ZFPM2: variants seen among roughly 807,000 people sequenced by gnomAD.
ZFPM2 encodes the protein zinc finger protein ZFPM2.
ZFPM2 carries 20 observed loss-of-function variants against 98.6 expected under a neutral mutation model. The observed-to-expected ratio is 0.20, with a 90% CI of 0.14 to 0.29. The LOEUF (loss-of-function observed/expected upper bound fraction) is 0.29, where lower values mean the gene tolerates loss of function less well. ZFPM2 is among the 10% of genes least tolerant of loss of function. The pLI is 1.00. For missense variants in ZFPM2, 1,310 were observed against 1,388.6 expected (o/e 0.94, Z 0.90); for synonymous variants, 518 against 502.7 (o/e 1.03, Z -0.41).
At chr8:105,493,951 A>G (rs1215798999) in intron 3 of ZFPM2, among the ~76,000 whole-genome samples, 1 of 151,814 alleles carries the variant, frequency 6.6e-6, no homozygotes, top group African/African-American at 2.4e-5. Context: ...TCTGACCTCC[A>G]AAACAACCAA....
chr8:105,566,977 A>C (rs1169220174), intron 4 of ZFPM2, among the ~76,000 whole-genome samples: 2 of 152,198 alleles, frequency 1.3e-5, no homozygotes, highest in Admixed American at 6.5e-5. Flanking sequence ...TAATAATGAA[A>C]TAATGCATGT....
At chr8:105,738,639 C>T (rs1445149893) in intron 5 of ZFPM2, among the ~76,000 whole-genome samples, 8 of 152,056 alleles carry the variant, frequency 5.3e-5, no homozygotes, top group Non-Finnish European at 1.2e-4. Context: ...CTTCCACCAA[C>T]AGTGTATAGC....
chr8:105,593,767 T>A (rs1281319937), intron 4 of ZFPM2, among the ~76,000 whole-genome samples: 2 of 152,162 alleles, frequency 1.3e-5, no homozygotes, highest in Non-Finnish European at 2.9e-5. Context: ...GTTAGTGCTT[T>A]TCTTGAGTTT....
intron 2 of ZFPM2, among the ~76,000 whole-genome samples, chr8:105,438,707 G>A (rs1398886883): frequency 2.0e-5 from 3 of 152,146 alleles, no homozygotes; most frequent in African/African-American, 7.2e-5. Flanking sequence ...GATACGGTAT[G>A]TTCATAGGAA....
At chr8:105,719,839 C>T (rs1476458536) in intron 5 of ZFPM2, among the ~76,000 whole-genome samples, 1 of 151,838 alleles carries the variant, frequency 6.6e-6, no homozygotes, top group African/African-American at 2.4e-5. Context: ...TTCTCCATAC[C>T]AGTGGTCTTT....
At chr8:105,727,792 AAAGG>A (rs1322394051) in intron 5 of ZFPM2, among the ~76,000 whole-genome samples, 1 of 151,728 alleles carries the variant, frequency 6.6e-6, no homozygotes, top group East Asian at 2.0e-4. Flanking sequence ...GGAAAGATAG[AAAGG>A]AAGGAAGTTA....
intron 3 of ZFPM2, among the ~76,000 whole-genome samples, chr8:105,486,608 C>T (rs1245494912): frequency 2.0e-5 from 3 of 151,898 alleles, no homozygotes; most frequent in Non-Finnish European, 4.4e-5. Flanking sequence ...CCAAACTGTG[C>T]GGGAAAAGAA....
intron 3 of ZFPM2, among the ~76,000 whole-genome samples, chr8:105,495,051 A>C (rs1260730112): frequency 6.6e-6 from 1 of 152,220 alleles, no homozygotes; most frequent in Non-Finnish European, 1.5e-5. Context: ...GCTGATAGCT[A>C]TACAAAAAAA....
chr8:105,550,413 A>C (rs1176866355), intron 3 of ZFPM2, among the ~76,000 whole-genome samples: 1 of 152,194 alleles, frequency 6.6e-6, no homozygotes, highest in African/African-American at 2.4e-5. Context: ...AAAGGGTCAG[A>C]AAACCAGAAT....
Position 105,803,313 on chromosome 8 carries a change from G to A in ZFPM2, c.3231G>A (p.Ser1077=), listed in dbSNP as rs775570126. The change falls in exon 8 of 8, where the codon TCG becomes TCA. Residue 1077 remains serine (S), a synonymous_variant. Transcript: ENST00000407775. The part of the protein sequence containing the change: ...PQHEDDHKSP[S]WISENPLAAN... ...ACGAAGACGACCACAAATCTCCCTC[G>A]TGGATCTCTGAGAACCCATTAGCTG... 5.0e-6 allele frequency: 8 copies of A among 1,597,514 alleles called. No individual in the cohort carries two copies. In the African/African-American group the frequency reaches 5.4e-5, roughly 11 times the overall value.
chr8:105,525,015 C>T (rs956993948), intron 3 of ZFPM2, among the ~76,000 whole-genome samples: 1 of 152,204 alleles, frequency 6.6e-6, no homozygotes, highest in Non-Finnish European at 1.5e-5. Flanking sequence ...GACATTTCTT[C>T]TTCCACGGGA....
chr8:105,606,262 T>C (rs1586145277), intron 4 of ZFPM2, among the ~76,000 whole-genome samples: 1 of 152,228 alleles, frequency 6.6e-6, no homozygotes, highest in Non-Finnish European at 1.5e-5. Context: ...GAGGACACTT[T>C]TTTATATTGA....
At chr8:105,363,584 T>C (rs1810448800) in intron 1 of ZFPM2, among the ~76,000 whole-genome samples, 1 of 152,156 alleles carries the variant, frequency 6.6e-6, no homozygotes, top group African/African-American at 2.4e-5. Context: ...GAATGCGTCT[T>C]AGATTCCAAC....
intron 4 of ZFPM2, among the ~76,000 whole-genome samples, chr8:105,628,946 C>G (rs552880237): frequency 8.5e-5 from 13 of 152,326 alleles, no homozygotes; most frequent in Admixed American, 2.6e-4. Context: ...AACAGTTAAG[C>G]TGACTGCGGA....
chr8:105,753,179 G>A (rs1044716773), intron 5 of ZFPM2, among the ~76,000 whole-genome samples: 6 of 152,134 alleles, frequency 3.9e-5, no homozygotes, highest in African/African-American at 1.4e-4. Flanking sequence ...ACCATGACAA[G>A]TGACTTTTTT....
chr8:105,443,792 A>T (rs1445951788), intron 2 of ZFPM2, among the ~76,000 whole-genome samples: 4 of 152,184 alleles, frequency 2.6e-5, no homozygotes, highest in Non-Finnish European at 5.9e-5. Flanking sequence ...AACAAATAAG[A>T]CCCAGTCTTA....
chr8:105,391,913 C>T (rs376550819), intron 1 of ZFPM2, among the ~76,000 whole-genome samples: 3 of 152,292 alleles, frequency 2.0e-5, no homozygotes, highest in East Asian at 3.9e-4. Flanking sequence ...ATCATGAATT[C>T]TTAATGGCAT....
intron 6 of ZFPM2, among the ~76,000 whole-genome samples, chr8:105,794,393 G>A (rs1237643008): frequency 6.6e-6 from 1 of 152,122 alleles, no homozygotes; most frequent in Non-Finnish European, 1.5e-5. Flanking sequence ...CAGAACAGTG[G>A]TTTTTCATGA....
intron 4 of ZFPM2, among the ~76,000 whole-genome samples, chr8:105,622,203 G>T (rs1376861549): frequency 6.6e-6 from 1 of 152,016 alleles, no homozygotes; most frequent in African/African-American, 2.4e-5. Flanking sequence ...AATAATTGTA[G>T]AATTTAACTC....
Sources: gnomAD v4.1 joint callset for allele counts (sites outside exome capture counted in the v4.1 genomes callset) on GRCh38, gnomAD v4.1.1 for gene constraint, MANE v1.5 for transcripts, NCBI Gene and HGNC (gene_info 2026-07-23, HGNC 2026-07-21) for gene names.